The following GTF2B variants were observed in gnomAD, a reference collection of about 807,000 sequenced individuals.
GTF2B encodes the protein general transcription factor IIB, also known as transcription initiation factor IIB.
In GTF2B, 20 loss-of-function variants were observed where a neutral mutation model predicts 34.6. The observed-to-expected ratio is 0.58, with a 90% confidence interval of 0.41 to 0.84. The LOEUF (loss-of-function observed/expected upper bound fraction) is 0.84. GTF2B is among the 40% of genes least tolerant of loss of function. GTF2B has a pLI of 0.00. For synonymous variants in GTF2B, 142 were observed against 132.4 expected, an observed-to-expected ratio of 1.07 and a Z score of -0.50; for missense variants, 237 against 393.3, an observed-to-expected ratio of 0.60 and a Z score of 3.36.
chr1:88,853,752 C>T (rs113421511), intron 6 of GTF2B, among the ~76,000 whole-genome samples: 3,692 of 152,124 alleles, frequency 0.024, 96 homozygotes, highest in South Asian at 0.07. Flanking sequence ...TGCAGTGAGC[C>T]GAGATCGCAC....
chr1:88,872,949 G>A (rs889197945), intron 2 of GTF2B, among the ~76,000 whole-genome samples: 1 of 152,090 alleles, frequency 6.6e-6, no homozygotes, highest in African/African-American at 2.4e-5. Context: ...TAGGGGCACA[G>A]TTTTCTGCTA....
intron 2 of GTF2B, among the ~76,000 whole-genome samples, chr1:88,883,058 G>A (rs1673984385): frequency 6.6e-6 from 1 of 152,180 alleles, no homozygotes; most frequent in Non-Finnish European, 1.5e-5. Flanking sequence ...TGACACCACT[G>A]GAAGTATATA....
At chr1:88,882,075 C>T (rs772178102) in intron 2 of GTF2B, among the ~76,000 whole-genome samples, 35 of 151,840 alleles carry the variant, frequency 2.3e-4, no homozygotes, top group Non-Finnish European at 4.3e-4. Context: ...GCTGGGAGGT[C>T]GAGGCAGGTG....
At chr1:88,864,414 A>G (rs1464346714) in intron 2 of GTF2B, among the ~76,000 whole-genome samples, 2 of 152,238 alleles carry the variant, frequency 1.3e-5, no homozygotes, top group Non-Finnish European at 2.9e-5. Flanking sequence ...AACCAATGTA[A>G]TAATGATTAA....
Position 88,869,785 on chromosome 1 carries a change from T to A in GTF2B, c.125-5671A>T, listed in dbSNP as rs182386895. Reference sequence around the variant, plus strand: ...GGGATTACAGGCGCCTGCCACCACGTCTGACTAATTTTTGTATTTTTAGTA... The same window carrying A: ...GGGATTACAGGCGCCTGCCACCACGACTGACTAATTTTTGTATTTTTAGTA... On this transcript the variant is annotated intron_variant, in intron 2 of 6. Transcript: ENST00000370500. Among the ~76,000 whole-genome samples, 4 of 149,796 alleles carry A rather than the reference T, an allele frequency of 2.7e-5. No homozygotes were observed. The East Asian group carries it at 8.0e-4, about 30-fold the overall frequency.
Position 88,857,359 on chromosome 1 carries a change from G to C in GTF2B, c.664C>G (p.Leu222Val). 6.2e-7 allele frequency: 1 copy of C among 1,613,792 alleles called. No homozygotes were observed. The highest frequency in any genetic ancestry group is 8.5e-7 in the Non-Finnish European group (1 of 1,179,716). ...ATCTGTACTTGTTTAGGAAGACAAAGGTTGGAACAGAACCTGGACATGAAG... is the reference window on the plus strand; with the variant it reads ...ATCTGTACTTGTTTAGGAAGACAAACGTTGGAACAGAACCTGGACATGAAG... ...GDFMSRFCSN[L>V]CLPKQVQMAA... is the part of the protein sequence containing the mutation. The change falls in exon 6 of 7, where the codon CTT (leucine) becomes GTT (valine). Residue 222 changes from leucine to valine, a missense_variant. By Grantham distance (32) the Leu-to-Val change is conservative (BLOSUM62 1). Transcript: ENST00000370500.
intron 2 of GTF2B, among the ~76,000 whole-genome samples, chr1:88,867,436 T>A (rs1013358174): frequency 3.3e-5 from 5 of 152,182 alleles, no homozygotes; most frequent in African/African-American, 1.2e-4. Context: ...TGCACTTATG[T>A]CCAAAGACAG....
At chr1:88,853,631 C>G (rs1673238756) in intron 6 of GTF2B, among the ~76,000 whole-genome samples, 1 of 152,010 alleles carries the variant, frequency 6.6e-6, no homozygotes, top group Non-Finnish European at 1.5e-5. Context: ...GGTGAAACCC[C>G]ATCTCTACTA....
At chr1:88,872,455 TAAAAAAAAAAAAAAA>T (rs34668666) in intron 2 of GTF2B, among the ~76,000 whole-genome samples, 1 of 74,836 alleles carries the variant, frequency 1.3e-5, no homozygotes, top group Non-Finnish European at 2.5e-5. Context: ...TCCATCTCAA[TAAAAAAAAAAAAAAA>T]AAAAAAAAAA....
At chr1:88,864,204 C>G in intron 2 of GTF2B, 90 bp from the exon 3 acceptor site, 1 of 1,188,972 alleles carries the variant, frequency 8.4e-7, no homozygotes. Context: ...CATTTTATTC[C>G]CAGGAAATCT....
intron 2 of GTF2B, among the ~76,000 whole-genome samples, chr1:88,879,444 G>A (rs2100976781): frequency 6.6e-6 from 1 of 151,880 alleles, no homozygotes; most frequent in Admixed American, 6.6e-5. Flanking sequence ...GCCAGGTGCG[G>A]TGGTGGGTGC....
At chr1:88,866,608 A>G (rs1673565534) in intron 2 of GTF2B, among the ~76,000 whole-genome samples, 2 of 152,206 alleles carry the variant, frequency 1.3e-5, no homozygotes, top group Non-Finnish European at 2.9e-5. Flanking sequence ...GGGTTTTGCC[A>G]TGTTGCCCAG....
At chr1:88,877,176 A>G (rs1187625670) in intron 2 of GTF2B, among the ~76,000 whole-genome samples, 1 of 152,188 alleles carries the variant, frequency 6.6e-6, no homozygotes, top group Non-Finnish European at 1.5e-5. Context: ...GCCCATTTAT[A>G]TATTCATATT....
At position 88,868,740 on chromosome 1, in the gene GTF2B, C is replaced by CT. The variant is rs34808616; in HGVS notation, c.125-4627dup. Among the ~76,000 whole-genome samples, 531 of 144,820 alleles carry CT rather than the reference C, an allele frequency of 3.7e-3. 5 individuals are homozygous for CT. The highest frequency in any genetic ancestry group is 0.013 in the African/African-American group (502 of 39,644). On this transcript the variant is annotated intron_variant, in intron 2 of 6. Transcript: ENST00000370500. ...AGTTGGCCTGCTGTATCTGTGTATT[C>CT]TTTTTTTTTTTTTGAGACGGAGTCT...
At chr1:88,873,501 G>T (rs909118490) in intron 2 of GTF2B, among the ~76,000 whole-genome samples, 9 of 151,954 alleles carry the variant, frequency 5.9e-5, no homozygotes. Flanking sequence ...GCCTGGCCAG[G>T]ATTCCAGAAG....
intron 3 of GTF2B, 90 bp from the exon 4 acceptor site, chr1:88,860,376 T>C: frequency 1.1e-6 from 1 of 873,780 alleles, no homozygotes; most frequent in South Asian, 1.6e-5. Flanking sequence ...CAAGATCTGA[T>C]TCTACATAGA....
chr1:88,855,661 T>C (rs1673287235), intron 6 of GTF2B, among the ~76,000 whole-genome samples: 1 of 152,044 alleles, frequency 6.6e-6, no homozygotes, highest in Non-Finnish European at 1.5e-5. Context: ...CCACCAACTT[T>C]TCTTTTTTTT....
At chr1:88,871,213 C>A (rs1035879430) in intron 2 of GTF2B, among the ~76,000 whole-genome samples, 2 of 152,020 alleles carry the variant, frequency 1.3e-5, no homozygotes, top group South Asian at 2.1e-4. Flanking sequence ...ATATTGTCTT[C>A]TTATGTTGTA....
intron 2 of GTF2B, among the ~76,000 whole-genome samples, chr1:88,882,951 C>T (rs575019747): frequency 3.9e-5 from 6 of 152,322 alleles, no homozygotes; most frequent in Middle Eastern, 3.4e-3. Flanking sequence ...TTTGCATTTG[C>T]ATTCAAGTCT....
Sources: allele counts gnomAD v4.1 joint callset (sites outside exome capture counted in the v4.1 genomes callset), GRCh38; gene constraint gnomAD v4.1.1; transcripts MANE v1.5; gene names NCBI Gene and HGNC (gene_info 2026-07-23, HGNC 2026-07-21).